The following ZFP1 variants were observed in gnomAD, a reference collection of about 807,000 sequenced individuals.
ZFP1 encodes ZFP1 zinc finger protein.
A neutral mutation model predicts 38.5 loss-of-function variants in ZFP1; 32 were observed. The observed-to-expected ratio is 0.83, with a 90% CI of 0.63 to 1.12. ZFP1 has a LOEUF of 1.12. ZFP1 is among the 50% of genes most tolerant of loss of function. ZFP1 has a pLI of 0.00. For synonymous variants in ZFP1, 245 were observed against 168.8 expected (o/e 1.45, Z -3.50); for missense variants, 616 against 480.8 (o/e 1.28, Z -2.63).
At chr16:75,167,455 C>G (rs1439071583) in intron 3 of ZFP1, among the ~76,000 whole-genome samples, 1 of 151,486 alleles carries the variant, frequency 6.6e-6, no homozygotes, top group Non-Finnish European at 1.5e-5. Flanking sequence ...AACCCTGAAA[C>G]TTTCCTAACA....
chr16:75,162,550 G>A lies in ZFP1; in HGVS notation c.16-4220G>A, dbSNP rs1289288514. 5.9e-5 allele frequency among the ~76,000 whole-genome samples: 9 copies of A among 152,206 alleles called. No homozygotes were observed. The South Asian group carries it at 1.5e-3, about 25-fold the overall frequency. On this transcript the variant is annotated intron_variant, in intron 2 of 3. Transcript: ENST00000570010. ...TAATTTCAACTTATTTGAGATTTGGGGGTACATGTGCAGATTTGTTACATA... is the reference window on the plus strand; with the variant it reads ...TAATTTCAACTTATTTGAGATTTGGAGGTACATGTGCAGATTTGTTACATA...
At position 75,169,608 on chromosome 16, in the gene ZFP1, C is replaced by A; in HGVS notation, c.498C>A (p.Ser166Arg). ...SEYNKSGKALSHKAAIFKHQK... is the reference protein window; with the variant it reads ...SEYNKSGKALRHKAAIFKHQK... Reference sequence around the variant, plus strand: ...ACAATAAAAGTGGAAAAGCCCTCAGCCATAAAGCAGCCATTTTTAAACATC... The same window carrying A: ...ACAATAAAAGTGGAAAAGCCCTCAGACATAAAGCAGCCATTTTTAAACATC... Residue 166 changes from serine to arginine, a missense_variant, in exon 4 of 4, where the codon AGC becomes AGA. Physicochemically the swap from Ser to Arg is moderately radical, Grantham distance 110. Coordinates refer to ENST00000570010, the MANE Select transcript of ZFP1 (RefSeq NM_153688.4). 1.3e-6 allele frequency: 2 copies of A among 1,594,194 alleles called. No homozygotes were observed. Among genetic ancestry groups the A allele is most frequent in the Non-Finnish European group, 8.5e-7 (1 of 1,174,372 alleles).
chr16:75,139,368 CAAAAAAAAAAAAA>C, the ZFP1 span, among the ~76,000 whole-genome samples: 1 of 42,746 alleles, frequency 2.3e-5, no homozygotes, highest in Admixed American at 4.2e-4. Context: ...GACTCCATCT[CAAAAAAAAAAAAA>C]AAAAAAAAAA....
intron 2 of ZFP1, among the ~76,000 whole-genome samples, chr16:75,157,603 CAGTTT>C (rs1271702735): frequency 6.6e-6 from 1 of 152,032 alleles, no homozygotes; most frequent in Non-Finnish European, 1.5e-5. Flanking sequence ...GTCCATTCCT[CAGTTT>C]AGTTCTGTCA....
upstream of ZFP1, among the ~76,000 whole-genome samples, chr16:75,145,720 C>T (rs552046180): frequency 6.6e-6 from 1 of 152,194 alleles, no homozygotes; most frequent in African/African-American, 2.4e-5. Flanking sequence ...GGACGATTAT[C>T]TTCCCACGCC....
the ZFP1 span, among the ~76,000 whole-genome samples, chr16:75,129,840 G>A: frequency 6.6e-6 from 1 of 152,122 alleles, no homozygotes. Flanking sequence ...GAGGCATAAG[G>A]CAGAAGGAGA....
At chr16:75,163,301 TTTTTG>T (rs1225713388) in intron 2 of ZFP1, among the ~76,000 whole-genome samples, 6 of 152,046 alleles carry the variant, frequency 3.9e-5, no homozygotes, top group Admixed American at 6.6e-5. Flanking sequence ...ATTGTTGTTT[TTTTTG>T]TTTTGTTTTG....
At chr16:75,139,386 A>AC in the ZFP1 span, among the ~76,000 whole-genome samples, 575 of 147,704 alleles carry the variant, frequency 3.9e-3, 14 homozygotes, top group African/African-American at 0.014. Context: ...AAAAAAAAAA[A>AC]AAAAAAAAAA....
rs1004576438 is a variant in ZFP1 at position 75,172,133 on chromosome 16, A to C, written c.*1799A>C. The C allele has an allele frequency of 1.3e-5, 2 of 152,250 alleles. No homozygotes were observed. The highest frequency in any genetic ancestry group is 2.4e-5 in the African/African-American group (1 of 41,470). The allele number at this position is 152,250 out of a possible 1,614,324, so 9.4% of individuals were successfully genotyped here. A position where few individuals can be genotyped will look rare whatever the true frequency, so the allele number is the denominator to read the frequency against. ...TTCCTTGAAAAGAATGTGTGGGAAC[A>C]AACTCCAAACTTCTCTAGGTCAAAT... On this transcript the variant is annotated 3_prime_UTR_variant, in exon 4 of 4. Transcript: ENST00000570010.
intron 2 of ZFP1, among the ~76,000 whole-genome samples, chr16:75,163,365 T>C (rs1315255152): frequency 6.6e-6 from 1 of 151,962 alleles, no homozygotes; most frequent in African/African-American, 2.4e-5. Context: ...AGTGTAGTAG[T>C]GTAGTGGCAT....
the ZFP1 span, among the ~76,000 whole-genome samples, chr16:75,130,817 CT>C: frequency 3.5e-3 from 504 of 142,636 alleles, no homozygotes; most frequent in Non-Finnish European, 3.5e-3. Flanking sequence ...CAGTTTGATT[CT>C]TTTTTTTTTT....
rs1597094049 is a variant in ZFP1, at chr16:75,170,429, T to A, written c.*95T>A. The A allele has an allele frequency of 2.1e-6, 3 of 1,428,260 alleles. No individual in the cohort carries two copies. Among genetic ancestry groups the A allele is most frequent in the East Asian group, 2.4e-5 (1 of 42,412 alleles). The allele number at this position is 1,428,260 out of a possible 1,614,324, so 88.5% of individuals were successfully genotyped here. On this transcript the variant is annotated 3_prime_UTR_variant, in exon 4 of 4. Transcript: ENST00000570010. ...AGTATTGAGGGAACATGGGAATTCA[T>A]ACTGAGATGCAATCTCTCAACTCAA...
At position 75,169,858 on chromosome 16, in the gene ZFP1, AC is replaced by A; in HGVS notation, c.751del (p.His251ThrfsTer93). ...FECPECGKAF[T>X]HQSNLIVHQR... is the part of the protein sequence containing the mutation. ...GTGTCCGGAATGTGGAAAAGCTTTC[AC>A]CCACCAGTCAAACCTCATTGTACAC... On this transcript the variant is annotated frameshift_variant, in exon 4 of 4. Transcript: ENST00000570010. LOFTEE classifies it high-confidence loss of function. 6.2e-7 allele frequency: 1 copy of A among 1,614,184 alleles called. No homozygotes were observed. Among genetic ancestry groups the A allele is most frequent in the Non-Finnish European group, 8.5e-7 (1 of 1,180,014 alleles).
chr16:75,146,873 G>C (rs751153106), upstream of ZFP1, among the ~76,000 whole-genome samples: 1 of 150,406 alleles, frequency 6.6e-6, no homozygotes, highest in African/African-American at 2.5e-5. Context: ...CCAGGAAGTG[G>C]AGGCTGCAGT....
intron 2 of ZFP1, among the ~76,000 whole-genome samples, chr16:75,161,696 T>G (rs1314470527): frequency 1.4e-5 from 2 of 143,042 alleles, no homozygotes; most frequent in Admixed American, 1.4e-4. Context: ...CCATTATGCA[T>G]GGTAGATTAT....
At chr16:75,165,296 A>G (rs928148651) in intron 2 of ZFP1, among the ~76,000 whole-genome samples, 1 of 152,180 alleles carries the variant, frequency 6.6e-6, no homozygotes, top group Non-Finnish European at 1.5e-5. Flanking sequence ...CATTCTAAAT[A>G]CTTTCAGCCC....
the ZFP1 span, among the ~76,000 whole-genome samples, chr16:75,121,800 A>T: frequency 6.6e-6 from 1 of 152,216 alleles, no homozygotes; most frequent in African/African-American, 2.4e-5. Context: ...ATATTTTTTC[A>T]AGTTTATGTA....
the ZFP1 span, among the ~76,000 whole-genome samples, chr16:75,139,507 C>G: frequency 6.6e-6 from 1 of 151,274 alleles, no homozygotes; most frequent in Non-Finnish European, 1.5e-5. Context: ...GCCTGGGCAA[C>G]AGAGAGAGAC....
chr16:75,134,562 C>G, the ZFP1 span, among the ~76,000 whole-genome samples: 1 of 150,148 alleles, frequency 6.7e-6, no homozygotes, highest in Non-Finnish European at 1.5e-5. Context: ...CGAGACCTGG[C>G]TAACATGGTG....
Sources: allele counts gnomAD v4.1 joint callset (sites outside exome capture counted in the v4.1 genomes callset), GRCh38; gene constraint gnomAD v4.1.1; transcripts MANE v1.5; gene names NCBI Gene and HGNC (gene_info 2026-07-23, HGNC 2026-07-21).